The following MICAL2 variants were observed in gnomAD, a reference collection of about 807,000 sequenced individuals.
MICAL2 encodes the protein [F-actin]-monooxygenase MICAL2.
A neutral mutation model predicts 127.3 loss-of-function variants in MICAL2; 77 were observed. The ratio of observed to expected loss-of-function variants is 0.60; its 90% CI spans 0.50 to 0.73. The LOEUF (loss-of-function observed/expected upper bound fraction) is 0.73, where lower values mean the gene tolerates loss of function less well. Among genes scored for constraint, MICAL2 ranks in the 30% least tolerant of loss-of-function variants. The pLI is 0.00. For missense variants in MICAL2, 1,351 were observed against 1,434.4 expected (o/e 0.94, Z 0.94); for synonymous variants, 570 against 551.1 (o/e 1.03, Z -0.48).
chr11:12,162,614 G>A (rs1259362970), intron 3 of MICAL2, among the ~76,000 whole-genome samples, 195 bp downstream of exon 3: 1 of 152,208 alleles, frequency 6.6e-6, no homozygotes, highest in Non-Finnish European at 1.5e-5. Flanking sequence ...CTCCACTCGT[G>A]CCCTCTCCAA....
intron 3 of MICAL2, among the ~76,000 whole-genome samples, chr11:12,171,732 G>A (rs1021110932): frequency 6.6e-6 from 1 of 152,238 alleles, no homozygotes; most frequent in Non-Finnish European, 1.5e-5. Flanking sequence ...GAGAGAGGCA[G>A]TGGCTGGAGG....
chr11:12,331,395 T>G (rs12224866), intron 32 of MICAL2, among the ~76,000 whole-genome samples: 10,336 of 151,878 alleles, frequency 0.068, 564 homozygotes, highest in Admixed American at 0.17. Context: ...GCTTCTTGCC[T>G]TTTTTGGAGC....
intron 29 of MICAL2, among the ~76,000 whole-genome samples, chr11:12,319,113 T>G (rs928561346): frequency 1.2e-4 from 18 of 152,222 alleles, no homozygotes; most frequent in African/African-American, 4.1e-4. Context: ...ACCTTAGGCT[T>G]AGAGTCCTTT....
At chr11:12,351,044 A>G (rs915364966) in intron 33 of MICAL2, among the ~76,000 whole-genome samples, 4 of 152,184 alleles carry the variant, frequency 2.6e-5, no homozygotes, top group African/African-American at 9.7e-5. Context: ...TTCTGCTCTT[A>G]TAAAGACACT....
intron 29 of MICAL2, among the ~76,000 whole-genome samples, chr11:12,310,696 T>C (rs919150707): frequency 6.6e-6 from 1 of 151,988 alleles, no homozygotes; most frequent in African/African-American, 2.4e-5. Flanking sequence ...ATTTTTTTTT[T>C]CTATTTCTGT....
chr11:12,180,163 TTG>T (rs148988007), intron 3 of MICAL2, among the ~76,000 whole-genome samples: 3,424 of 152,220 alleles, frequency 0.022, 67 homozygotes, highest in Non-Finnish European at 0.033. Flanking sequence ...CTACCTTGTA[TTG>T]TCTACTTGGC....
At chr11:12,150,799 C>T (rs965741333) in intron 2 of MICAL2, among the ~76,000 whole-genome samples, 4 of 152,108 alleles carry the variant, frequency 2.6e-5, no homozygotes, top group South Asian at 2.1e-4. Context: ...TGTTTTTAGT[C>T]GTCTTACCAT....
chr11:12,111,247 GCGGGCTGGAGCCCAGT>G (rs1756785456), intron 1 of MICAL2, among the ~76,000 whole-genome samples: 1 of 152,022 alleles, frequency 6.6e-6, no homozygotes. Context: ...CTGGCTGGCC[GCGGGCTGGAGCCCAGT>G]CGGGATGGGG....
chr11:12,335,232 T>C (rs1358212989), intron 32 of MICAL2, among the ~76,000 whole-genome samples: 2 of 152,208 alleles, frequency 1.3e-5, no homozygotes, highest in East Asian at 3.9e-4. Flanking sequence ...CATGTGTTTT[T>C]TGGCTGCATA....
intron 3 of MICAL2, among the ~76,000 whole-genome samples, chr11:12,177,532 T>C (rs758529206): frequency 1.3e-4 from 20 of 152,238 alleles, no homozygotes; most frequent in Non-Finnish European, 2.8e-4. Flanking sequence ...TTTCCATTTG[T>C]TTCCTGTGGC....
chr11:12,210,565 C>CTG (rs1855326785), intron 6 of MICAL2, among the ~76,000 whole-genome samples: 1 of 152,208 alleles, frequency 6.6e-6, no homozygotes, highest in Admixed American at 6.5e-5. Flanking sequence ...CCTTTCCATA[C>CTG]CCACCTCGCC....
At chr11:12,349,779 G>C (rs899018420) in intron 32 of MICAL2, 7 of 1,554,786 alleles carry the variant, frequency 4.5e-6, no homozygotes, top group South Asian at 3.4e-5. Flanking sequence ...GCTCAAAGCA[G>C]TTTGATCATG....
At chr11:12,226,392 T>C (rs763384547) in intron 14 of MICAL2, 22 bp downstream of exon 14, 1 of 1,611,886 alleles carries the variant, frequency 6.2e-7, no homozygotes, top group Non-Finnish European at 8.5e-7. Flanking sequence ...CACAGAGGTT[T>C]TGCTTAGCCC....
At chr11:12,165,493 T>A (rs1407195448) in intron 3 of MICAL2, among the ~76,000 whole-genome samples, 2 of 152,244 alleles carry the variant, frequency 1.3e-5, no homozygotes, top group African/African-American at 4.8e-5. Flanking sequence ...CTAAGCCAGA[T>A]GACACAGGTT....
downstream of MICAL2, among the ~76,000 whole-genome samples, chr11:12,268,037 T>C (rs576809630): frequency 1.7e-3 from 263 of 152,324 alleles, 3 homozygotes; most frequent in African/African-American, 6.1e-3. Context: ...ACTTAGCACA[T>C]AGTGGGCCCT....
chr11:12,356,744 G>A (rs1939134679), intron 34 of MICAL2, among the ~76,000 whole-genome samples: 1 of 152,196 alleles, frequency 6.6e-6, no homozygotes, highest in African/African-American at 2.4e-5. Flanking sequence ...AGGTCCACTA[G>A]CCAGCTGTCT....
chr11:12,266,706 AGTCAGGT>A (rs1863613258), downstream of MICAL2, among the ~76,000 whole-genome samples: 2 of 152,230 alleles, frequency 1.3e-5, no homozygotes, highest in African/African-American at 4.8e-5. Flanking sequence ...CCAGGCTAGG[AGTCAGGT>A]GCCTGCTCTA....
At chr11:12,246,117 C>T (rs1465704582) in intron 21 of MICAL2, among the ~76,000 whole-genome samples, 1 of 152,254 alleles carries the variant, frequency 6.6e-6, no homozygotes, top group Admixed American at 6.5e-5. Flanking sequence ...CTACACTTCC[C>T]AAATACCCTG....
chr11:12,350,706 C>A (rs146997041), intron 33 of MICAL2, among the ~76,000 whole-genome samples: 1 of 152,028 alleles, frequency 6.6e-6, no homozygotes, highest in Non-Finnish European at 1.5e-5. Context: ...TCTTTATTAC[C>A]GATAATGGCT....
Sources: allele counts gnomAD v4.1 joint callset (sites outside exome capture counted in the v4.1 genomes callset), GRCh38; gene constraint gnomAD v4.1.1; transcripts MANE v1.5; gene names NCBI Gene and HGNC (gene_info 2026-07-23, HGNC 2026-07-21).